Variants in DLG2 observed in about 807,000 individuals in gnomAD.
The protein encoded by DLG2 is discs large MAGUK scaffold protein 2, also known as disks large homolog 2.
A neutral mutation model predicts 132.5 loss-of-function variants in DLG2; 45 were observed. The observed-to-expected ratio is 0.34, with a 90% CI of 0.27 to 0.44. DLG2 has a LOEUF of 0.44. Ranked by LOEUF, DLG2 falls within the 20% of genes least tolerant of loss-of-function variation. DLG2 has a pLI of 1.00. For missense variants in DLG2, 1,045 were observed against 1,196.9 expected, an observed-to-expected ratio of 0.87 and a Z score of 1.87; for synonymous variants, 424 against 419.6, an observed-to-expected ratio of 1.01 and a Z score of -0.13.
At chr11:85,608,650 C>A (rs1416587007) in intron 2 of DLG2, among the ~76,000 whole-genome samples, 1 of 152,082 alleles carries the variant, frequency 6.6e-6, no homozygotes, top group Middle Eastern at 3.2e-3. Flanking sequence ...CTCCAAAGGA[C>A]CACAAAACCC....
chr11:83,942,618 A>C (rs2082908328), intron 14 of DLG2, among the ~76,000 whole-genome samples: 1 of 152,238 alleles, frequency 6.6e-6, no homozygotes, highest in South Asian at 2.1e-4. Context: ...TGTAAGAGGC[A>C]TATCTGTACA....
Position 83,459,784 on chromosome 11 carries a change from C to A in DLG2, c.*34G>T. ...TATATATATTTTGTTCTTCTAAATG[C>A]TCTTCTGTCGTTGTCAGAGGCGCAG... On this transcript the variant is annotated 3_prime_UTR_variant, in exon 28 of 28. Coordinates refer to ENST00000376104, the MANE Select transcript of DLG2 (RefSeq NM_001142699.3). 1 of 1,139,800 alleles carries A rather than the reference C, an allele frequency of 8.8e-7. No homozygotes were observed. Among genetic ancestry groups the A allele is most frequent in the South Asian group, 1.2e-5 (1 of 80,944 alleles). 70.6% of individuals were successfully genotyped at this position (1,139,800 alleles called of 1,614,324 possible). A position where few individuals can be genotyped will look rare whatever the true frequency, so the allele number is the denominator to read the frequency against.
chr11:85,348,102 C>T (rs757823272), intron 3 of DLG2, among the ~76,000 whole-genome samples: 61 of 149,550 alleles, frequency 4.1e-4, no homozygotes, highest in Non-Finnish European at 8.3e-4. Flanking sequence ...TCTTCTGCCT[C>T]AGCCTCTCAA....
chr11:84,522,983 C>A (rs1247433579), intron 7 of DLG2, among the ~76,000 whole-genome samples: 1 of 152,072 alleles, frequency 6.6e-6, no homozygotes, highest in Non-Finnish European at 1.5e-5. Context: ...TTGAGCTAAC[C>A]AACATGACAT....
At chr11:84,611,812 C>T (rs940249233) in intron 6 of DLG2, among the ~76,000 whole-genome samples, 50 of 152,220 alleles carry the variant, frequency 3.3e-4, no homozygotes, top group African/African-American at 1.1e-3. Flanking sequence ...ATGTTCACTG[C>T]AATGTTGTTT....
intron 6 of DLG2, among the ~76,000 whole-genome samples, chr11:85,053,498 G>C (rs941332134): frequency 1.3e-5 from 2 of 151,794 alleles, no homozygotes; most frequent in Non-Finnish European, 1.5e-5. Context: ...AAAAAATATA[G>C]TGAGTACAGG....
intron 5 of DLG2, among the ~76,000 whole-genome samples, chr11:85,120,848 C>T (rs2074222852): frequency 6.6e-6 from 1 of 151,964 alleles, no homozygotes; most frequent in Admixed American, 6.6e-5. Flanking sequence ...AACTACATTG[C>T]TGCTTGGTAA....
intron 6 of DLG2, among the ~76,000 whole-genome samples, chr11:84,697,611 G>A (rs1248704578): frequency 6.6e-6 from 1 of 151,306 alleles, no homozygotes; most frequent in Non-Finnish European, 1.5e-5. Flanking sequence ...CCTTTTCCAT[G>A]TATTATCTCA....
chr11:84,763,826 A>G lies in DLG2; in HGVS notation c.358-229095T>C, dbSNP rs368021669. Among the ~76,000 whole-genome samples the G allele has an allele frequency of 2.7e-4, 41 of 152,280 alleles. No individual in the cohort carries two copies. In the East Asian group the frequency reaches 7.3e-3, roughly 27 times the overall value. On this transcript the variant is annotated intron_variant, in intron 6 of 27. Coordinates refer to ENST00000376104, the MANE Select transcript of DLG2 (RefSeq NM_001142699.3). ...TTAACTGATCTATAAAATGTTTCAC[A>G]TATATTGTGTGAGATATATACCTCT...
At chr11:84,483,508 G>A (rs904297256) in intron 7 of DLG2, among the ~76,000 whole-genome samples, 6 of 150,966 alleles carry the variant, frequency 4.0e-5, no homozygotes, top group African/African-American at 1.5e-4. Flanking sequence ...CTGGACAAAT[G>A]AGGAAGCTGA....
chr11:84,983,255 G>A (rs141882267), intron 6 of DLG2, among the ~76,000 whole-genome samples: 112 of 152,210 alleles, frequency 7.4e-4, no homozygotes, highest in African/African-American at 2.6e-3. Flanking sequence ...CCCAGGAGAC[G>A]CCCCAAATAC....
chr11:84,229,264 G>T (rs1280587223), intron 8 of DLG2, among the ~76,000 whole-genome samples: 1 of 152,042 alleles, frequency 6.6e-6, no homozygotes, highest in Non-Finnish European at 1.5e-5. Flanking sequence ...GAAAATCAAT[G>T]GAGGATTTAA....
At chr11:83,672,649 T>A (rs1005703941) in intron 18 of DLG2, among the ~76,000 whole-genome samples, 1 of 152,214 alleles carries the variant, frequency 6.6e-6, no homozygotes, top group African/African-American at 2.4e-5. Flanking sequence ...GTTGTCTCCA[T>A]CCTCCTTTGA....
intron 14 of DLG2, among the ~76,000 whole-genome samples, chr11:83,934,486 C>T (rs1002519837): frequency 3.3e-5 from 5 of 152,094 alleles, no homozygotes; most frequent in African/African-American, 1.2e-4. Context: ...GTACCTCACT[C>T]ACCTCACTAT....
chr11:84,111,980 T>A (rs1258742218), intron 9 of DLG2, among the ~76,000 whole-genome samples: 1 of 152,120 alleles, frequency 6.6e-6, no homozygotes, highest in Non-Finnish European at 1.5e-5. Context: ...ATTCTAAGCA[T>A]CTGAGAATGA....
chr11:85,175,543 A>T (rs899995962), intron 4 of DLG2, among the ~76,000 whole-genome samples: 3 of 152,180 alleles, frequency 2.0e-5, no homozygotes, highest in African/African-American at 7.2e-5. Context: ...GAACCCTTGA[A>T]AACTGGCACA....
At chr11:85,106,660 T>G (rs1196887529) in intron 6 of DLG2, among the ~76,000 whole-genome samples, 1 of 152,048 alleles carries the variant, frequency 6.6e-6, no homozygotes, top group Non-Finnish European at 1.5e-5. Context: ...ACACTTATTA[T>G]GCATTATTTC....
At chr11:85,059,849 C>T (rs1022993634) in intron 6 of DLG2, among the ~76,000 whole-genome samples, 3 of 151,498 alleles carry the variant, frequency 2.0e-5, no homozygotes, top group Non-Finnish European at 4.4e-5. Flanking sequence ...AGCTATGCAC[C>T]CTGTGAGCTT....
intron 7 of DLG2, among the ~76,000 whole-genome samples, chr11:84,339,577 A>C (rs998892098): frequency 6.6e-6 from 1 of 152,098 alleles, no homozygotes; most frequent in Non-Finnish European, 1.5e-5. Context: ...TTATGTCAAC[A>C]TCTCACCTCC....
Sources: gnomAD v4.1 joint callset for allele counts (sites outside exome capture counted in the v4.1 genomes callset) on GRCh38, gnomAD v4.1.1 for gene constraint, MANE v1.5 for transcripts, NCBI Gene and HGNC (gene_info 2026-07-23, HGNC 2026-07-21) for gene names.